TLK2: variants seen among roughly 807,000 people sequenced by gnomAD.
TLK2 encodes the protein serine/threonine-protein kinase tousled-like 2.
TLK2 carries 6 observed loss-of-function variants against 117.3 expected under a neutral mutation model. That is an observed-to-expected ratio of 0.05 (90% CI 0.03 to 0.10). The LOEUF (loss-of-function observed/expected upper bound fraction) is 0.10. Ranked by LOEUF, TLK2 falls within the 10% of genes least tolerant of loss-of-function variation. The pLI, the probability that TLK2 is intolerant of heterozygous loss-of-function variation, is 1.00. For missense variants in TLK2, 299 were observed against 901.2 expected (o/e 0.33, Z 8.56); for synonymous variants, 257 against 316.7 (o/e 0.81, Z 2.00).
At chr17:62,527,939 C>T (rs1330545775) in intron 6 of TLK2, among the ~76,000 whole-genome samples, 2 of 152,078 alleles carry the variant, frequency 1.3e-5, no homozygotes, top group Non-Finnish European at 2.9e-5. Flanking sequence ...GACGGGGTTT[C>T]ACCATGTTGG....
intron 2 of TLK2, among the ~76,000 whole-genome samples, chr17:62,520,295 C>G (rs1412124965): frequency 6.6e-6 from 1 of 152,154 alleles, no homozygotes; most frequent in East Asian, 1.9e-4. Context: ...GAGCCCCTGC[C>G]TCTGAGAGTA....
intron 14 of TLK2, 152 bp downstream of exon 14, chr17:62,578,726 G>T: frequency 1.7e-6 from 1 of 579,850 alleles, no homozygotes; most frequent in Non-Finnish European, 3.0e-6. Flanking sequence ...ACAATTTTGT[G>T]AACAAAATTA....
intron 21 of TLK2, among the ~76,000 whole-genome samples, 200 bp downstream of exon 21, chr17:62,608,348 G>A (rs562777786): frequency 2.0e-5 from 3 of 152,216 alleles, no homozygotes; most frequent in Non-Finnish European, 2.9e-5. Context: ...CCCAGTTCCA[G>A]TAGAAGGAAT....
At chr17:62,533,136 T>A (rs1328378634) in intron 6 of TLK2, among the ~76,000 whole-genome samples, 1 of 151,768 alleles carries the variant, frequency 6.6e-6, no homozygotes, top group Non-Finnish European at 1.5e-5. Flanking sequence ...GTTTTTGTTT[T>A]ACTGATAGGT....
At chr17:62,596,109 C>T (rs1239403070) in intron 16 of TLK2, among the ~76,000 whole-genome samples, 1 of 152,120 alleles carries the variant, frequency 6.6e-6, no homozygotes, top group African/African-American at 2.4e-5. Flanking sequence ...GATAGAGTCT[C>T]GCTCTGTCAC....
chr17:62,609,283 C>T (rs11653446), intron 21 of TLK2, among the ~76,000 whole-genome samples: 96,717 of 151,958 alleles, frequency 0.64, 30,966 homozygotes, highest in East Asian at 0.82. Context: ...GGGGTTTCGC[C>T]GTGTTGCCCA....
chr17:62,503,313 C>A (rs1225877178), intron 2 of TLK2, among the ~76,000 whole-genome samples: 1 of 151,998 alleles, frequency 6.6e-6, no homozygotes, highest in African/African-American at 2.4e-5. Flanking sequence ...CTGCCTTGGC[C>A]TCCCAAAGTG....
intron 6 of TLK2, among the ~76,000 whole-genome samples, chr17:62,527,696 A>G (rs1486351236): frequency 6.6e-6 from 1 of 151,872 alleles, no homozygotes; most frequent in African/African-American, 2.4e-5. Context: ...AATAATTTAT[A>G]TATTTTAATT....
rs149388860 is a variant in TLK2 at position 62,578,265 on chromosome 17, T to C, written c.1189-212T>C. Among the ~76,000 whole-genome samples, 129 of 151,994 alleles carry C rather than the reference T, an allele frequency of 8.5e-4. 2 individuals carry two copies. The East Asian group carries it at 0.019, about 23-fold the overall frequency. ...GAGGGAGGAGGAGGGTAGGGAACTTTTACTTTTCTTACTGAACTCCTCTGT... is the reference window on the plus strand; with the variant it reads ...GAGGGAGGAGGAGGGTAGGGAACTTCTACTTTTCTTACTGAACTCCTCTGT... On this transcript the variant is annotated intron_variant, in intron 13 of 21. Coordinates refer to ENST00000346027, the MANE Select transcript of TLK2 (RefSeq NM_006852.6).
intron 3 of TLK2, among the ~76,000 whole-genome samples, chr17:62,521,548 G>A (rs944935444): frequency 6.6e-6 from 1 of 152,028 alleles, no homozygotes. Flanking sequence ...AGGTGCCACC[G>A]TGCCTGGCTA....
intron 12 of TLK2, among the ~76,000 whole-genome samples, chr17:62,575,772 C>T (rs2080740551): frequency 6.6e-6 from 1 of 152,110 alleles, no homozygotes; most frequent in African/African-American, 2.4e-5. Flanking sequence ...TTATAGCTCA[C>T]TATAGCCTCA....
At chr17:62,480,982 C>T (rs543091761) in intron 1 of TLK2, 139 bp from the exon 2 acceptor site, 64 of 762,424 alleles carry the variant, frequency 8.4e-5, no homozygotes, top group Non-Finnish European at 1.2e-4. Context: ...AGTAGTCTAC[C>T]ACTTGTATGC....
At chr17:62,471,410 G>T (rs2070937005) in intron 1 of TLK2, among the ~76,000 whole-genome samples, 1 of 152,216 alleles carries the variant, frequency 6.6e-6, no homozygotes, top group East Asian at 1.9e-4. Context: ...TCAAATGGAA[G>T]ATTTCCCCAT....
rs531932925 is a variant in TLK2, at chr17:62,564,361, C to G, written c.832-640C>G. ...GACCAGCCTGGTCAACACAGTGAAACCCCGTCTCTACTAAAAATACAAAAA... is the reference window on the plus strand; with the variant it reads ...GACCAGCCTGGTCAACACAGTGAAAGCCCGTCTCTACTAAAAATACAAAAA... On this transcript the variant is annotated intron_variant, in intron 10 of 21. Transcript: ENST00000346027. 3.3e-5 allele frequency among the ~76,000 whole-genome samples: 5 copies of G among 152,194 alleles called. No individual in the cohort carries two copies. In the East Asian group the frequency reaches 9.7e-4, roughly 29 times the overall value.
intron 16 of TLK2, among the ~76,000 whole-genome samples, chr17:62,590,150 G>A (rs1342887566): frequency 1.4e-5 from 2 of 148,118 alleles, no homozygotes; most frequent in South Asian, 2.2e-4. Context: ...CAGCAGCACC[G>A]GCTGGGCACG....
In TLK2 at chr17:62,600,585, T is replaced by C. The variant is rs2082804370; in HGVS notation, c.1551-66T>C. The C allele has an allele frequency of 6.5e-6, 9 of 1,388,312 alleles. No homozygotes were observed. The South Asian group carries it at 1.4e-4, about 21-fold the overall frequency. 86.0% of individuals were successfully genotyped at this position (1,388,312 alleles called of 1,614,324 possible). On this transcript the variant is annotated intron_variant, in intron 17 of 21. Transcript: ENST00000346027. ...ATGACCTGAAGTTTTCACATGGGAC[T>C]AATTTAGGTAGTGTTAATCTGCTTG... is the stretch of plus-strand genomic sequence containing the variant.
At chr17:62,500,713 A>G (rs2074115753) in intron 2 of TLK2, among the ~76,000 whole-genome samples, 1 of 152,234 alleles carries the variant, frequency 6.6e-6, no homozygotes, top group East Asian at 1.9e-4. Flanking sequence ...ATGCTGGGCT[A>G]CAAAACACAT....
intron 11 of TLK2, 123 bp from the exon 12 acceptor site, chr17:62,573,092 A>T: frequency 9.3e-7 from 1 of 1,071,130 alleles, no homozygotes; most frequent in Non-Finnish European, 1.3e-6. Flanking sequence ...TCAAATCTCT[A>T]CTTGACTTAA....
chr17:62,530,608 G>A (rs2076679381), intron 6 of TLK2, among the ~76,000 whole-genome samples: 1 of 152,192 alleles, frequency 6.6e-6, no homozygotes, highest in South Asian at 2.1e-4. Flanking sequence ...AGTGGTGTAT[G>A]TTTTTATTTT....
Sources: allele counts gnomAD v4.1 joint callset (sites outside exome capture counted in the v4.1 genomes callset), GRCh38; gene constraint gnomAD v4.1.1; transcripts MANE v1.5; gene names NCBI Gene and HGNC (gene_info 2026-07-23, HGNC 2026-07-21).